The following TRIM13 variants were observed in gnomAD, a reference collection of about 807,000 sequenced individuals.
TRIM13 encodes the protein E3 ubiquitin-protein ligase TRIM13.
Under a neutral mutation model 27.1 loss-of-function variants are expected in TRIM13, and 15 were observed. The ratio of observed to expected loss-of-function variants is 0.55; its 90% confidence interval spans 0.37 to 0.85. The LOEUF (loss-of-function observed/expected upper bound fraction) is 0.85. Ranked by LOEUF, TRIM13 falls within the 40% of genes least tolerant of loss-of-function variation. The pLI, the probability that TRIM13 is intolerant of heterozygous loss-of-function variation, is 0.00. For synonymous variants in TRIM13, 193 were observed against 171.5 expected (o/e 1.13, Z -0.98); for missense variants, 402 against 472.2 (o/e 0.85, Z 1.38).
In TRIM13 at chr13:50,017,265, A is replaced by C. The variant is rs1355481916; in HGVS notation, c.*4101A>C. ...CCTCTTTGGGGATCATGCTTCAAAA[A>C]GTCAGAAACCTAGAGACAAAACTGT... On this transcript the variant is annotated 3_prime_UTR_variant, in exon 2 of 2. Coordinates refer to ENST00000378182, the MANE Select transcript of TRIM13 (RefSeq NM_213590.3). The C allele has an allele frequency of 1.8e-5, 3 of 167,118 alleles. No individual in the cohort carries two copies. In the East Asian group the frequency reaches 5.8e-4, roughly 32 times the overall value. 10.4% of individuals were successfully genotyped at this position (167,118 alleles called of 1,614,324 possible). A position where few individuals can be genotyped will look rare whatever the true frequency, so the allele number is the denominator to read the frequency against.
Position 50,014,214 on chromosome 13 carries a change from A to C in TRIM13, c.*1050A>C, listed in dbSNP as rs185789626. 4 of 162,482 alleles carry C rather than the reference A, an allele frequency of 2.5e-5. No homozygotes were observed. The highest frequency in any genetic ancestry group is 5.0e-5 in the African/African-American group (2 of 40,164). The allele number at this position is 162,482 out of a possible 1,614,324, so 10.1% of individuals were successfully genotyped here. A position where few individuals can be genotyped will look rare whatever the true frequency, so the allele number is the denominator to read the frequency against. On this transcript the variant is annotated 3_prime_UTR_variant, in exon 2 of 2. Transcript: ENST00000378182. ...GCTGGGCAGGGTGGCTCATGTCTATAATCTCAGCATTCTAGGACAGTGATG... is the reference window on the plus strand; with the variant it reads ...GCTGGGCAGGGTGGCTCATGTCTATCATCTCAGCATTCTAGGACAGTGATG...
rs1875922223 is a variant in TRIM13 at position 50,013,492 on chromosome 13, GTTC to G, written c.*332_*334del. On this transcript the variant is annotated 3_prime_UTR_variant, in exon 2 of 2. Coordinates refer to ENST00000378182, the MANE Select transcript of TRIM13 (RefSeq NM_213590.3). The stretch of plus-strand genomic sequence containing the variant: ...AAGTATAGGTAGTATAGTAGTGATT[GTTC>G]TTCAAGCATGCAGTAAAGATCACTT... 1 of 166,260 alleles carries G rather than the reference GTTC, an allele frequency of 6.0e-6. No homozygotes were observed. The highest frequency in any genetic ancestry group is 1.4e-5 in the Non-Finnish European group (1 of 72,582). The allele number at this position is 166,260 out of a possible 1,614,324, so 10.3% of individuals were successfully genotyped here. A position where few individuals can be genotyped will look rare whatever the true frequency, so the allele number is the denominator to read the frequency against.
intron 1 of TRIM13, among the ~76,000 whole-genome samples, chr13:49,998,854 C>T (rs1042126745): frequency 2.0e-5 from 3 of 150,112 alleles, no homozygotes; most frequent in African/African-American, 4.9e-5. Flanking sequence ...CCACTTGAAC[C>T]GGGACGCAGA....
chr13:50,011,317 G>A (rs180910199), intron 1 of TRIM13, among the ~76,000 whole-genome samples: 3 of 152,252 alleles, frequency 2.0e-5, no homozygotes. Flanking sequence ...AATGGCTTCT[G>A]TTACTGTTCT....
At chr13:50,004,837 A>T (rs1192021474) in intron 1 of TRIM13, among the ~76,000 whole-genome samples, 1 of 151,598 alleles carries the variant, frequency 6.6e-6, no homozygotes, top group Admixed American at 6.6e-5. Flanking sequence ...ACACTTAGGG[A>T]GGCCAAGGAG....
At position 50,014,695 on chromosome 13, in the gene TRIM13, T is replaced by C. The variant is rs1043096154; in HGVS notation, c.*1531T>C. 6.0e-6 allele frequency: 1 copy of C among 166,786 alleles called. No individual in the cohort carries two copies. Among genetic ancestry groups the C allele is most frequent in the African/African-American group, 2.4e-5 (1 of 41,388 alleles). 10.3% of individuals were successfully genotyped at this position (166,786 alleles called of 1,614,324 possible). A position where few individuals can be genotyped will look rare whatever the true frequency, so the allele number is the denominator to read the frequency against. ...GCTTAGAATTCATATAACAAAGAAG[T>C]AACCTTATAACTGCTCTCTAGTCTG... On this transcript the variant is annotated 3_prime_UTR_variant, in exon 2 of 2. Transcript: ENST00000378182.
chr13:50,001,451 C>G (rs946635897), intron 1 of TRIM13, among the ~76,000 whole-genome samples: 1 of 152,136 alleles, frequency 6.6e-6, no homozygotes, highest in African/African-American at 2.4e-5. Context: ...TCTGACAACC[C>G]TTTGTGAACT....
In TRIM13 at chr13:50,015,057, C is replaced by G. The variant is rs555631589; in HGVS notation, c.*1893C>G. 1 of 127,958 alleles carries G rather than the reference C, an allele frequency of 7.8e-6. No individual in the cohort carries two copies. Among genetic ancestry groups the G allele is most frequent in the South Asian group, 3.2e-4 (1 of 3,120 alleles). 7.9% of individuals were successfully genotyped at this position (127,958 alleles called of 1,614,324 possible). A position where few individuals can be genotyped will look rare whatever the true frequency, so the allele number is the denominator to read the frequency against. On this transcript the variant is annotated 3_prime_UTR_variant, in exon 2 of 2. Coordinates refer to ENST00000378182, the MANE Select transcript of TRIM13 (RefSeq NM_213590.3). Reference sequence around the variant, plus strand: ...TAGACAGGTATGGGGAGGGAGAATGCTTTTCCCCTCCCAGTAATAAAAAAA... The same window carrying G: ...TAGACAGGTATGGGGAGGGAGAATGGTTTTCCCCTCCCAGTAATAAAAAAA...
At position 50,015,431 on chromosome 13, in the gene TRIM13, A is replaced by G. The variant is rs1566448060; in HGVS notation, c.*2267A>G. On this transcript the variant is annotated 3_prime_UTR_variant, in exon 2 of 2. Coordinates refer to ENST00000378182, the MANE Select transcript of TRIM13 (RefSeq NM_213590.3). ...TAATCATGTATAACTAGCAACATTT[A>G]TGGTTATAGGTTGATTTCCTAAGTG... The G allele has an allele frequency of 8.4e-6, 10 of 1,196,190 alleles. No individual in the cohort carries two copies. Among genetic ancestry groups the G allele is most frequent in the African/African-American group, 1.5e-5 (1 of 65,644 alleles). 74.1% of individuals were successfully genotyped at this position (1,196,190 alleles called of 1,614,324 possible).
chr13:50,005,394 C>T (rs1340474111), intron 1 of TRIM13, among the ~76,000 whole-genome samples: 1 of 151,958 alleles, frequency 6.6e-6, no homozygotes, highest in East Asian at 1.9e-4. Context: ...AAGGCATAGG[C>T]AGGGCATGGT....
chr13:50,000,758 T>C (rs553972120), intron 1 of TRIM13, among the ~76,000 whole-genome samples: 84 of 145,542 alleles, frequency 5.8e-4, no homozygotes, highest in African/African-American at 2.0e-3. Context: ...GAATTTTCTA[T>C]AATAAAAACT....
At chr13:50,003,831 TTGTA>T in intron 1 of TRIM13, among the ~76,000 whole-genome samples, 1 of 152,346 alleles carries the variant, frequency 6.6e-6, no homozygotes, top group South Asian at 2.1e-4. Context: ...GTGAATTTCA[TTGTA>T]TGTAAATTTA....
rs1876268562 is a variant in TRIM13, at chr13:50,015,090, AAAAAATATATATATATATAT to A, written c.*1928_*1947del. 13 of 39,088 alleles carry A rather than the reference AAAAAATATATATATATATAT, an allele frequency of 3.3e-4. 1 individual carries two copies. The highest frequency in any genetic ancestry group is 1.3e-3 in the South Asian group (1 of 788). The allele number at this position is 39,088 out of a possible 1,614,324, so 2.4% of individuals were successfully genotyped here. On this transcript the variant is annotated 3_prime_UTR_variant, in exon 2 of 2. Coordinates refer to ENST00000378182, the MANE Select transcript of TRIM13 (RefSeq NM_213590.3). ...CTCCCAGTAATAAAAAAAAAAAAAA[AAAAAATATATATATATATAT>A]ATATATATATATATATATATATATA...
At position 50,017,948 on chromosome 13, in the gene TRIM13, C is replaced by G. The variant is rs1339506115; in HGVS notation, c.*4784C>G. On this transcript the variant is annotated 3_prime_UTR_variant, in exon 2 of 2. Coordinates refer to ENST00000378182, the MANE Select transcript of TRIM13 (RefSeq NM_213590.3). Reference sequence around the variant, plus strand: ...ATATGATTTACCCCTCAAGGTTAACCTAGCAGGTTGCTCAGTTATTATCTC... The same window carrying G: ...ATATGATTTACCCCTCAAGGTTAACGTAGCAGGTTGCTCAGTTATTATCTC... The G allele has an allele frequency of 6.0e-6, 1 of 166,958 alleles. No individual in the cohort carries two copies. The highest frequency in any genetic ancestry group is 1.5e-5 in the Non-Finnish European group (1 of 68,066). 10.3% of individuals were successfully genotyped at this position (166,958 alleles called of 1,614,324 possible).
intron 1 of TRIM13, among the ~76,000 whole-genome samples, chr13:50,009,117 AC>A (rs1193497132): frequency 4.8e-5 from 3 of 63,044 alleles, no homozygotes; most frequent in Non-Finnish European, 1.7e-4. Context: ...TTTAAAAAAT[AC>A]TCACGTAAAA....
Position 50,012,883 on chromosome 13 carries a change from T to G in TRIM13, c.943T>G (p.Tyr315Asp), listed in dbSNP as rs779283061. ...TFISKIPWSF[Y>D]KLFLLILLLG... Reference sequence around the variant, plus strand: ...CATTAGCAAGATTCCCTGGAGCTTTTATAAGTTATTTTTGCTAATCCTTCT... The same window carrying G: ...CATTAGCAAGATTCCCTGGAGCTTTGATAAGTTATTTTTGCTAATCCTTCT... Residue 315 changes from tyrosine to aspartate, a missense_variant, in exon 2 of 2, where the codon TAT (tyrosine) becomes GAT (aspartate). This residue lies in a region of TRIM13 where 200 missense variants were observed against 194.7 expected (regional missense o/e 1.03). Coordinates refer to ENST00000378182, the MANE Select transcript of TRIM13 (RefSeq NM_213590.3). 1 of 1,614,090 alleles carries G rather than the reference T, an allele frequency of 6.2e-7. No homozygotes were observed. Among genetic ancestry groups the G allele is most frequent in the Non-Finnish European group, 8.5e-7 (1 of 1,180,014 alleles).
At position 50,013,518 on chromosome 13, in the gene TRIM13, CTTTTTTT is replaced by C. The variant is rs33989231; in HGVS notation, c.*370_*376del. On this transcript the variant is annotated 3_prime_UTR_variant, in exon 2 of 2. Transcript: ENST00000378182. ...TTCTTCAAGCATGCAGTAAAGATCA[CTTTTTTT>C]TTTTTTTTTTTTTTTGAGATGGAGT... 4 of 86,620 alleles carry C rather than the reference CTTTTTTT, an allele frequency of 4.6e-5. No individual in the cohort carries two copies. Among genetic ancestry groups the C allele is most frequent in the African/African-American group, 8.8e-5 (2 of 22,812 alleles). The allele number at this position is 86,620 out of a possible 1,614,324, so 5.4% of individuals were successfully genotyped here.
intron 1 of TRIM13, among the ~76,000 whole-genome samples, chr13:50,005,171 T>C (rs895913670): frequency 2.0e-5 from 3 of 152,110 alleles, no homozygotes; most frequent in Admixed American, 1.3e-4. Flanking sequence ...GTTGATTACT[T>C]CAGATTTTGT....
intron 1 of TRIM13, among the ~76,000 whole-genome samples, chr13:50,008,757 T>A (rs1418979753): frequency 6.6e-6 from 1 of 152,070 alleles, no homozygotes; most frequent in African/African-American, 2.4e-5. Flanking sequence ...AATCCTGGCC[T>A]GTAATCTCAG....
Sources: gnomAD v4.1 joint callset for allele counts (sites outside exome capture counted in the v4.1 genomes callset) on GRCh38, gnomAD v4.1.1 for gene constraint, gnomAD v4.1.1 regional missense constraint, MANE v1.5 for transcripts, NCBI Gene and HGNC (gene_info 2026-07-23, HGNC 2026-07-21) for gene names.